ARL6: variants seen among roughly 807,000 people sequenced by gnomAD.
ARL6 encodes ADP-ribosylation factor-like protein 6.
In ARL6, 18 loss-of-function variants were observed where a neutral mutation model predicts 27.1. The observed-to-expected ratio is 0.66, with a 90% CI of 0.46 to 0.98. The LOEUF is 0.98. Ranked by LOEUF, ARL6 falls within the 50% of genes least tolerant of loss-of-function variation. The probability of loss-of-function intolerance (pLI) is 0.00; values close to 1 mark genes in which losing one functional copy is unlikely to be tolerated. For synonymous variants in ARL6, 65 were observed against 72.3 expected, an observed-to-expected ratio of 0.90 and a Z score of 0.51; for missense variants, 187 against 214.9, an observed-to-expected ratio of 0.87 and a Z score of 0.81.
chr3:97,764,602 T>G (rs1357174411), upstream of ARL6: 1 of 152,320 alleles, frequency 6.6e-6, no homozygotes, highest in Non-Finnish European at 1.5e-5. Context: ...GCACACATTT[T>G]TCTTCAATGT....
chr3:97,765,211 G>GGTGTGTGTGTGTGTGTGTGT (rs71113866), intron 1 of ARL6, among the ~76,000 whole-genome samples: 3 of 105,536 alleles, frequency 2.8e-5, no homozygotes, highest in African/African-American at 2.9e-5. Context: ...GTGTATTGGG[G>GGTGTGTGTGTGTGTGTGTGT]GTGTGTGTGT....
chr3:97,791,384 A>G (rs1350874183), intron 6 of ARL6: 2 of 171,944 alleles, frequency 1.2e-5, no homozygotes, highest in South Asian at 1.4e-4. Context: ...AAGGCACACC[A>G]TAATATGGCT....
chr3:97,765,634 T>C lies in ARL6; in HGVS notation c.-28+657T>C, dbSNP rs562228465. On this transcript the variant is annotated intron_variant, in intron 1 of 7. Transcript: ENST00000463745. ...GGAAGTTTGAAACTACTGGCTTTATTCTGAAAGCCAGTAGTTCTCAATAGT... is the reference window on the plus strand; with the variant it reads ...GGAAGTTTGAAACTACTGGCTTTATCCTGAAAGCCAGTAGTTCTCAATAGT... Among the ~76,000 whole-genome samples the C allele has an allele frequency of 2.0e-5, 3 of 152,310 alleles. No homozygotes were observed. In the East Asian group the frequency reaches 5.8e-4, roughly 29 times the overall value.
chr3:97,786,438 G>A (rs777752451), intron 5 of ARL6, among the ~76,000 whole-genome samples: 41 of 152,062 alleles, frequency 2.7e-4, no homozygotes, highest in Admixed American at 5.9e-4. Context: ...TCTAAAAAGT[G>A]TTTCAGTGTT....
At chr3:97,778,688 T>C (rs1287356033) in intron 2 of ARL6, among the ~76,000 whole-genome samples, 1 of 152,192 alleles carries the variant, frequency 6.6e-6, no homozygotes, top group African/African-American at 2.4e-5. Context: ...TGTTGAGTAT[T>C]TTACATCCAT....
rs2038196265 is a variant in ARL6, at chr3:97,800,275, G to A, written c.*2226G>A. 1 of 152,130 alleles carries A rather than the reference G, an allele frequency of 6.6e-6. No individual in the cohort carries two copies. Among genetic ancestry groups the A allele is most frequent in the Non-Finnish European group, 1.5e-5 (1 of 68,004 alleles). 9.4% of individuals were successfully genotyped at this position (152,130 alleles called of 1,614,324 possible). Reference sequence around the variant, plus strand: ...GATTATGTAGAAGTTGGGCAACAGTGTAGTCACAGGATGTCATATAAGTGT... The same window carrying A: ...GATTATGTAGAAGTTGGGCAACAGTATAGTCACAGGATGTCATATAAGTGT... On this transcript the variant is annotated 3_prime_UTR_variant, in exon 8 of 8. Transcript: ENST00000463745.
chr3:97,767,732 ACGG>A (rs1426029583), intron 1 of ARL6, among the ~76,000 whole-genome samples: 1 of 152,130 alleles, frequency 6.6e-6, no homozygotes, highest in Non-Finnish European at 1.5e-5. Context: ...TGGAAAGGCT[ACGG>A]CCTAATTCTT....
chr3:97,796,334 C>T (rs1013917647), intron 7 of ARL6, among the ~76,000 whole-genome samples: 5 of 149,728 alleles, frequency 3.3e-5, no homozygotes, highest in African/African-American at 9.9e-5. Context: ...AAAGAAAGAA[C>T]GAAAAAAAAT....
intron 2 of ARL6, among the ~76,000 whole-genome samples, chr3:97,777,736 C>G (rs1442730520): frequency 1.3e-5 from 2 of 152,102 alleles, no homozygotes; most frequent in African/African-American, 2.4e-5. Flanking sequence ...TGTAAACTAT[C>G]TTTTGGAATA....
chr3:97,792,542 G>A (rs1414019077), intron 7 of ARL6, among the ~76,000 whole-genome samples: 4 of 152,112 alleles, frequency 2.6e-5, no homozygotes, highest in Admixed American at 2.6e-4. Context: ...TACATAGCAT[G>A]TATACACAAC....
intron 7 of ARL6, among the ~76,000 whole-genome samples, chr3:97,793,056 A>T (rs1028509897): frequency 6.6e-6 from 1 of 152,146 alleles, no homozygotes; most frequent in African/African-American, 2.4e-5. Flanking sequence ...CTGCTCATAC[A>T]TCATAGTATT....
intron 4 of ARL6, 79 bp from the exon 5 acceptor site, chr3:97,784,876 T>A (rs2037372983): frequency 1.0e-6 from 1 of 977,858 alleles, no homozygotes; most frequent in Non-Finnish European, 1.6e-6. Context: ...ATACTTAGGT[T>A]AGGAAATGCC....
intron 2 of ARL6, among the ~76,000 whole-genome samples, chr3:97,778,448 C>A (rs971954765): frequency 5.9e-5 from 9 of 152,112 alleles, no homozygotes; most frequent in Admixed American, 3.9e-4. Context: ...GAATTTTGAG[C>A]TTCTGTCTTT....
intron 4 of ARL6, among the ~76,000 whole-genome samples, chr3:97,782,998 C>A (rs2037273501): frequency 6.8e-6 from 1 of 146,902 alleles, no homozygotes; most frequent in Admixed American, 6.7e-5. Flanking sequence ...TTTTTTTTTT[C>A]ACATCCTGTT....
intron 2 of ARL6, among the ~76,000 whole-genome samples, chr3:97,771,832 C>T (rs2036651336): frequency 6.6e-6 from 1 of 152,146 alleles, no homozygotes; most frequent in Admixed American, 6.5e-5. Context: ...CTTATGGGCT[C>T]ATATATTGAT....
At position 97,768,050 on chromosome 3, in the gene ARL6, TG is replaced by T; in HGVS notation, c.-27-28del. 3 of 1,598,078 alleles carry T rather than the reference TG, an allele frequency of 1.9e-6. No homozygotes were observed. The East Asian group carries it at 6.7e-5, about 36-fold the overall frequency. On this transcript the variant is annotated intron_variant, in intron 1 of 7. Coordinates refer to ENST00000463745, the MANE Select transcript of ARL6 (RefSeq NM_001278293.3). Reference sequence around the variant, plus strand: ...TATTTTCCATAACTTAAGGTGCCTTTGGGTAATATTTTATTTTTTCTTAATT... The same window carrying T: ...TATTTTCCATAACTTAAGGTGCCTTTGGTAATATTTTATTTTTTCTTAATT...
chr3:97,769,571 G>C (rs1283350317), intron 2 of ARL6, among the ~76,000 whole-genome samples: 1 of 151,858 alleles, frequency 6.6e-6, no homozygotes, highest in Non-Finnish European at 1.5e-5. Context: ...TGGCTATTTT[G>C]AAATATCCAG....
At chr3:97,780,975 A>G (rs1318296204) in intron 4 of ARL6, among the ~76,000 whole-genome samples, 5 of 152,104 alleles carry the variant, frequency 3.3e-5, no homozygotes, top group African/African-American at 1.2e-4. Flanking sequence ...CTCAGCTAAA[A>G]GTCCTTTCCT....
At chr3:97,768,920 G>A (rs1441842978) in intron 2 of ARL6, among the ~76,000 whole-genome samples, 1 of 151,872 alleles carries the variant, frequency 6.6e-6, no homozygotes, top group African/African-American at 2.4e-5. Flanking sequence ...ACTTCTTGAG[G>A]GGTTTCAAAC....
Sources: gnomAD v4.1 joint callset for allele counts (sites outside exome capture counted in the v4.1 genomes callset) on GRCh38, gnomAD v4.1.1 for gene constraint, MANE v1.5 for transcripts, NCBI Gene and HGNC (gene_info 2026-07-23, HGNC 2026-07-21) for gene names.